The following KCTD16 variants were observed in gnomAD, a reference collection of about 807,000 sequenced individuals.
KCTD16 encodes the protein potassium channel tetramerization domain containing 16, also known as BTB/POZ domain-containing protein KCTD16.
A neutral mutation model predicts 33.2 loss-of-function variants in KCTD16; 13 were observed. That is an observed-to-expected ratio of 0.39 (90% confidence interval 0.25 to 0.62). The LOEUF is 0.62. Among genes scored for constraint, KCTD16 ranks in the 20% least tolerant of loss-of-function variants. KCTD16 has a pLI of 0.50. For synonymous variants in KCTD16, 197 were observed against 195.3 expected (o/e 1.01, Z -0.07); for missense variants, 441 against 525.1 (o/e 0.84, Z 1.57).
chr5:144,407,202 T>TG (rs1263140081), intron 3 of KCTD16, among the ~76,000 whole-genome samples: 27 of 9,702 alleles, frequency 2.8e-3, no homozygotes, highest in African/African-American at 0.012. Context: ...AAAATTCCTG[T>TG]TTTTTTTTTT....
chr5:144,184,384 A>G (rs978490061), intron 2 of KCTD16, among the ~76,000 whole-genome samples: 2 of 152,118 alleles, frequency 1.3e-5, no homozygotes, highest in Non-Finnish European at 2.9e-5. Context: ...GTTAAAGTCT[A>G]TGGCACATTT....
chr5:144,337,576 T>A (rs1041510510), intron 3 of KCTD16, among the ~76,000 whole-genome samples: 2 of 152,250 alleles, frequency 1.3e-5, no homozygotes, highest in Non-Finnish European at 2.9e-5. Context: ...TATAGTCTTA[T>A]ATATTTGGTG....
intron 3 of KCTD16, among the ~76,000 whole-genome samples, chr5:144,290,780 G>A (rs948872706): frequency 5.9e-5 from 9 of 152,106 alleles, no homozygotes; most frequent in Admixed American, 3.9e-4. Flanking sequence ...TTCAGCTGAT[G>A]TTCCTGGAAA....
At chr5:144,224,326 T>C (rs1753857912) in intron 3 of KCTD16, among the ~76,000 whole-genome samples, 1 of 151,728 alleles carries the variant, frequency 6.6e-6, no homozygotes, top group African/African-American at 2.4e-5. Context: ...AATTATTTTC[T>C]ATATTGTAAA....
chr5:144,446,913 G>A (rs969011856), intron 3 of KCTD16, among the ~76,000 whole-genome samples: 5 of 152,158 alleles, frequency 3.3e-5, no homozygotes, highest in Admixed American at 6.6e-5. Flanking sequence ...AACAACAGAT[G>A]CTGGAGAGGA....
At chr5:144,342,166 A>C (rs1752665298) in intron 3 of KCTD16, among the ~76,000 whole-genome samples, 1 of 152,180 alleles carries the variant, frequency 6.6e-6, no homozygotes, top group Non-Finnish European at 1.5e-5. Context: ...TACCTTGGGC[A>C]GTATGGCCAT....
chr5:144,437,070 T>C (rs990951265), intron 3 of KCTD16, among the ~76,000 whole-genome samples: 5 of 152,154 alleles, frequency 3.3e-5, no homozygotes, highest in African/African-American at 1.2e-4. Context: ...CAGGAAACTG[T>C]AGATTCGGTT....
intron 3 of KCTD16, among the ~76,000 whole-genome samples, chr5:144,437,647 A>T (rs1753608284): frequency 6.6e-6 from 1 of 152,218 alleles, no homozygotes; most frequent in African/African-American, 2.4e-5. Flanking sequence ...ACAAACCAAT[A>T]TCAACATGTA....
chr5:144,473,022 A>G (rs1754512461), intron 3 of KCTD16, among the ~76,000 whole-genome samples: 1 of 152,180 alleles, frequency 6.6e-6, no homozygotes, highest in Non-Finnish European at 1.5e-5. Flanking sequence ...GTTTCCTTGT[A>G]TGGAGACTGA....
intron 3 of KCTD16, among the ~76,000 whole-genome samples, chr5:144,334,628 A>G (rs1339139248): frequency 6.6e-6 from 1 of 152,178 alleles, no homozygotes; most frequent in Non-Finnish European, 1.5e-5. Context: ...CTTCATGGAA[A>G]TGCTATGGAA....
At chr5:144,263,192 A>G (rs1221269535) in intron 3 of KCTD16, among the ~76,000 whole-genome samples, 1 of 152,252 alleles carries the variant, frequency 6.6e-6, no homozygotes, top group Non-Finnish European at 1.5e-5. Context: ...TTTATAAGAC[A>G]ATATTATTCT....
chr5:144,353,898 G>A (rs901621743), intron 3 of KCTD16, among the ~76,000 whole-genome samples: 25 of 150,948 alleles, frequency 1.7e-4, no homozygotes, highest in Non-Finnish European at 3.0e-5. Context: ...TCACAAAATC[G>A]ATGTTTGCTG....
intron 3 of KCTD16, among the ~76,000 whole-genome samples, chr5:144,211,788 T>C (rs998416018): frequency 3.9e-5 from 6 of 152,080 alleles, no homozygotes; most frequent in African/African-American, 1.4e-4. Flanking sequence ...GTGGCCAAAA[T>C]CATAAGGTAT....
At chr5:144,219,053 T>G (rs1753651530) in intron 3 of KCTD16, among the ~76,000 whole-genome samples, 1 of 152,110 alleles carries the variant, frequency 6.6e-6, no homozygotes. Context: ...GGCAAGTGTC[T>G]TTTCTTCCTA....
intron 3 of KCTD16, among the ~76,000 whole-genome samples, chr5:144,344,756 G>C (rs902135854): frequency 6.7e-6 from 1 of 150,266 alleles, no homozygotes; most frequent in South Asian, 2.1e-4. Context: ...CACTGTTGGT[G>C]GGACTGTAAA....
At chr5:144,336,894 G>A (rs189081636) in intron 3 of KCTD16, among the ~76,000 whole-genome samples, 10 of 151,906 alleles carry the variant, frequency 6.6e-5, no homozygotes, top group Admixed American at 1.3e-4. Context: ...CTGAGATCCC[G>A]GTAATTCAAA....
chr5:144,270,630 T>TA lies in KCTD16; in HGVS notation c.832+63094dup, dbSNP rs34656558. ...AACCTAATTTTACAAGTAAAAGAAC[T>TA]AAAAAAAAAAGGGCAAGCTAAACTC... On this transcript the variant is annotated intron_variant, in intron 3 of 3. Coordinates refer to ENST00000512467, the MANE Select transcript of KCTD16 (RefSeq NM_020768.4). Among the ~76,000 whole-genome samples, 543 of 138,962 alleles carry TA rather than the reference T, an allele frequency of 3.9e-3. 5 individuals carry two copies. The highest frequency in any genetic ancestry group is 0.011 in the African/African-American group (426 of 37,806). The allele number at this position is 138,962 out of a possible 152,430, so 91.2% of individuals were successfully genotyped here. A position where few individuals can be genotyped will look rare whatever the true frequency, so the allele number is the denominator to read the frequency against.
chr5:144,319,105 G>T (rs1264443957), intron 3 of KCTD16, among the ~76,000 whole-genome samples: 3 of 151,766 alleles, frequency 2.0e-5, no homozygotes, highest in Non-Finnish European at 4.4e-5. Flanking sequence ...AAATTTATTG[G>T]AATGAATAAA....
intron 3 of KCTD16, among the ~76,000 whole-genome samples, chr5:144,352,229 C>T (rs920892236): frequency 4.6e-5 from 7 of 152,092 alleles, no homozygotes; most frequent in African/African-American, 1.7e-4. Context: ...GCAATAATAT[C>T]AATGGCAAAC....
Sources: allele counts gnomAD v4.1 joint callset (sites outside exome capture counted in the v4.1 genomes callset), GRCh38; gene constraint gnomAD v4.1.1; transcripts MANE v1.5; gene names NCBI Gene and HGNC (gene_info 2026-07-23, HGNC 2026-07-21).